OTOGL: variants seen among roughly 807,000 people sequenced by gnomAD.
The protein encoded by OTOGL is otogelin like.
In OTOGL, 285 loss-of-function variants were observed where a neutral mutation model predicts 318.5. The ratio of observed to expected loss-of-function variants is 0.89; its 90% CI spans 0.81 to 0.99. The LOEUF (loss-of-function observed/expected upper bound fraction) is 0.99, where lower values mean the gene tolerates loss of function less well. OTOGL is among the 50% of genes least tolerant of loss of function. The pLI, the probability that OTOGL is intolerant of heterozygous loss-of-function variation, is 0.00. For missense variants in OTOGL, 2,899 were observed against 2,845.6 expected, an observed-to-expected ratio of 1.02 and a Z score of -0.43; for synonymous variants, 987 against 936.5, an observed-to-expected ratio of 1.05 and a Z score of -0.99.
At chr12:80,288,198 T>G (rs986765154) in intron 26 of OTOGL, among the ~76,000 whole-genome samples, 2 of 152,196 alleles carry the variant, frequency 1.3e-5, no homozygotes, top group Non-Finnish European at 2.9e-5. Flanking sequence ...TTGAAAATTC[T>G]TTTCTTTAAG....
chr12:80,284,576 T>C (rs1456953865), intron 26 of OTOGL, among the ~76,000 whole-genome samples: 1 of 152,190 alleles, frequency 6.6e-6, no homozygotes, highest in South Asian at 2.1e-4. Flanking sequence ...CCATTCTAAC[T>C]GGTGTGAGAT....
intron 44 of OTOGL, among the ~76,000 whole-genome samples, chr12:80,346,034 G>A (rs374111405): frequency 2.0e-5 from 3 of 152,136 alleles, no homozygotes; most frequent in East Asian, 1.9e-4. Flanking sequence ...TGCTGAACTC[G>A]ATATTTGGCA....
intron 48 of OTOGL, 58 bp from the exon 49 acceptor site, chr12:80,356,749 A>T: frequency 1.9e-6 from 2 of 1,051,652 alleles, no homozygotes; most frequent in South Asian, 1.7e-5. Flanking sequence ...AGAGGTAAAC[A>T]CTATGTCATT....
intron 1 of OTOGL, among the ~76,000 whole-genome samples, chr12:80,188,367 ATC>A (rs981887880): frequency 1.8e-4 from 28 of 151,688 alleles, no homozygotes; most frequent in African/African-American, 6.8e-4. Flanking sequence ...GTGAAACCCC[ATC>A]TCTACTAAAA....
chr12:80,155,899 C>T (rs1873083272), intron 1 of OTOGL, among the ~76,000 whole-genome samples: 1 of 152,192 alleles, frequency 6.6e-6, no homozygotes, highest in Admixed American at 6.5e-5. Context: ...GCTTATTTCA[C>T]TTAGCATGAT....
At chr12:80,275,940 A>G (rs1883769651) in intron 24 of OTOGL, among the ~76,000 whole-genome samples, 1 of 125,650 alleles carries the variant, frequency 8.0e-6, no homozygotes, top group Non-Finnish European at 1.7e-5. Flanking sequence ...TATAACTTTT[A>G]TGTGTACTAG....
At chr12:80,346,026 C>G (rs2099011475) in intron 44 of OTOGL, among the ~76,000 whole-genome samples, 1 of 152,158 alleles carries the variant, frequency 6.6e-6, no homozygotes, top group African/African-American at 2.4e-5. Flanking sequence ...TACCATCATG[C>G]TGAACTCGAT....
intron 1 of OTOGL, among the ~76,000 whole-genome samples, chr12:80,154,671 A>G (rs1443365258): frequency 6.6e-6 from 1 of 152,182 alleles, no homozygotes; most frequent in East Asian, 1.9e-4. Flanking sequence ...TGGATATACT[A>G]TATTAATTCA....
intron 1 of OTOGL, among the ~76,000 whole-genome samples, chr12:80,146,874 A>G (rs1382715141): frequency 2.0e-5 from 3 of 151,764 alleles, no homozygotes; most frequent in Non-Finnish European, 4.4e-5. Flanking sequence ...CTCTGATGGT[A>G]GTTTGTATTT....
At chr12:80,371,702 C>A (rs1213507464) in intron 56 of OTOGL, among the ~76,000 whole-genome samples, 1 of 151,996 alleles carries the variant, frequency 6.6e-6, no homozygotes, top group Non-Finnish European at 1.5e-5. Context: ...ATATAATGGT[C>A]ATTATTTAGA....
chr12:80,108,748 T>A (rs1456369641), intron 1 of OTOGL, among the ~76,000 whole-genome samples: 1 of 139,862 alleles, frequency 7.1e-6, no homozygotes, highest in African/African-American at 2.7e-5. Flanking sequence ...CACATGTATT[T>A]AAAAAAATAT....
At chr12:80,372,950 G>A (rs1026977656) in intron 57 of OTOGL, among the ~76,000 whole-genome samples, 2 of 152,078 alleles carry the variant, frequency 1.3e-5, no homozygotes, top group Non-Finnish European at 2.9e-5. Context: ...GCCTCCCAAA[G>A]TGCTGGGATT....
intron 1 of OTOGL, among the ~76,000 whole-genome samples, chr12:80,125,843 T>C (rs987962308): frequency 3.9e-5 from 6 of 152,234 alleles, no homozygotes; most frequent in Admixed American, 1.3e-4. Flanking sequence ...TTTATAGTAT[T>C]CTCTGATGGT....
intron 11 of OTOGL, 44 bp downstream of exon 11, chr12:80,239,483 A>G (rs779047195): frequency 2.2e-6 from 3 of 1,378,026 alleles, no homozygotes; most frequent in African/African-American, 1.5e-5. Flanking sequence ...TTCTTTATGC[A>G]AAAAGAAGAC....
In OTOGL at chr12:80,320,460, A is replaced by G. The variant is rs755866465; in HGVS notation, c.3841A>G (p.Asn1281Asp). Residue 1281 changes from asparagine to aspartate, a missense_variant, in exon 34 of 59, where the codon AAC becomes GAC. Asn to Asp is a conservative substitution (Grantham distance 23, BLOSUM62 1). This residue lies in a region of OTOGL where 2,607 missense variants were observed against 2,524.9 expected (regional missense o/e 1.03). Transcript: ENST00000547103. ...LVSLESAERP[N>D]YFLYVHDNDT... is the part of the protein sequence containing the mutation. ...TTCCTTGGAATCTGCTGAAAGGCCA[A>G]ACTACTTTCTCTATGTCCATGACAA... is the stretch of plus-strand genomic sequence containing the variant. 6.2e-7 allele frequency: 1 copy of G among 1,613,348 alleles called. No homozygotes were observed. The highest frequency in any genetic ancestry group is 8.5e-7 in the Non-Finnish European group (1 of 1,179,602).
chr12:80,136,310 G>A (rs1429630620), intron 1 of OTOGL, among the ~76,000 whole-genome samples: 1 of 152,044 alleles, frequency 6.6e-6, no homozygotes, highest in African/African-American at 2.4e-5. Flanking sequence ...TCAATTCTTA[G>A]TCCTCATTTT....
chr12:80,143,775 C>A (rs1872113958), intron 1 of OTOGL, among the ~76,000 whole-genome samples: 1 of 152,140 alleles, frequency 6.6e-6, no homozygotes, highest in Admixed American at 6.5e-5. Context: ...ACTAACAGAA[C>A]ATGGACAGTA....
chr12:80,120,241 G>A (rs1870409657), intron 1 of OTOGL, among the ~76,000 whole-genome samples: 1 of 152,036 alleles, frequency 6.6e-6, no homozygotes, highest in Non-Finnish European at 1.5e-5. Flanking sequence ...AAAGATGTGT[G>A]CCAAGTTATA....
chr12:80,265,526 A>G (rs997987758), intron 20 of OTOGL: 7 of 349,794 alleles, frequency 2.0e-5, no homozygotes, highest in Middle Eastern at 9.1e-4. Flanking sequence ...AATATTGGAA[A>G]GTATGGAACA....
Sources: allele counts gnomAD v4.1 joint callset (sites outside exome capture counted in the v4.1 genomes callset), GRCh38; gene constraint gnomAD v4.1.1; regional missense constraint gnomAD v4.1.1; transcripts MANE v1.5; gene names NCBI Gene and HGNC (gene_info 2026-07-23, HGNC 2026-07-21).